The following RASEF variants were observed in gnomAD, a reference collection of about 807,000 sequenced individuals.
The protein encoded by RASEF is ras and EF-hand domain-containing protein.
RASEF carries 68 observed loss-of-function variants against 90.1 expected under a neutral mutation model. The observed-to-expected ratio is 0.75, with a 90% CI of 0.62 to 0.92. The LOEUF (loss-of-function observed/expected upper bound fraction) is 0.92, where lower values mean the gene tolerates loss of function less well. RASEF is among the 40% of genes least tolerant of loss of function. The probability of loss-of-function intolerance (pLI) is 0.00; values close to 1 mark genes in which losing one functional copy is unlikely to be tolerated. For missense variants in RASEF, 949 were observed against 937.2 expected, an observed-to-expected ratio of 1.01 and a Z score of -0.16; for synonymous variants, 331 against 345.2, an observed-to-expected ratio of 0.96 and a Z score of 0.46.
chr9:83,156,998 C>A, the RASEF span, among the ~76,000 whole-genome samples: 1 of 152,208 alleles, frequency 6.6e-6, no homozygotes, highest in African/African-American at 2.4e-5. Flanking sequence ...TCAAGGACAG[C>A]ATGGAGGATA....
the RASEF span, among the ~76,000 whole-genome samples, chr9:83,083,862 TG>T: frequency 6.6e-6 from 1 of 152,140 alleles, no homozygotes; most frequent in Non-Finnish European, 1.5e-5. Context: ...TCATAACTTT[TG>T]AACTAGTAAT....
chr9:83,146,442 G>A, the RASEF span, among the ~76,000 whole-genome samples: 3 of 151,912 alleles, frequency 2.0e-5, no homozygotes, highest in Middle Eastern at 3.2e-3. Context: ...TCATAATTTC[G>A]CTATTTTGTA....
chr9:83,112,211 T>C, the RASEF span, among the ~76,000 whole-genome samples: 1 of 152,152 alleles, frequency 6.6e-6, no homozygotes, highest in Non-Finnish European at 1.5e-5. Context: ...AGTAAATGTT[T>C]TACTACTTTC....
chr9:83,023,296 T>G (rs934433510), intron 2 of RASEF, among the ~76,000 whole-genome samples: 4 of 152,234 alleles, frequency 2.6e-5, no homozygotes, highest in African/African-American at 9.6e-5. Flanking sequence ...AGGAGTGCAA[T>G]TATAAATCAC....
intron 15 of RASEF, among the ~76,000 whole-genome samples, chr9:82,992,339 T>A (rs1828830727): frequency 6.6e-6 from 1 of 152,186 alleles, no homozygotes; most frequent in Admixed American, 6.5e-5. Context: ...ACACTGCCCA[T>A]GACAACAATC....
At chr9:83,077,870 C>T in the RASEF span, among the ~76,000 whole-genome samples, 1 of 152,162 alleles carries the variant, frequency 6.6e-6, no homozygotes, top group East Asian at 1.9e-4. Context: ...GCCCAGGAAA[C>T]AAGGGAAGAC....
chr9:82,990,613 A>T, intron 15 of RASEF, 146 bp from the exon 16 acceptor site: 1 of 562,596 alleles, frequency 1.8e-6, no homozygotes, highest in Non-Finnish European at 3.1e-6. Context: ...TCAGAGTTCC[A>T]GTACTTACAA....
At chr9:83,119,283 T>G in the RASEF span, among the ~76,000 whole-genome samples, 2 of 151,376 alleles carry the variant, frequency 1.3e-5, no homozygotes, top group African/African-American at 2.4e-5. Context: ...CCTCCCAAAA[T>G]GCTGGGATTA....
At chr9:83,147,861 A>G in the RASEF span, among the ~76,000 whole-genome samples, 4 of 151,946 alleles carry the variant, frequency 2.6e-5, no homozygotes, top group Non-Finnish European at 4.4e-5. Context: ...CTTCCCCTGG[A>G]GTTTGGTCAT....
Position 82,982,605 on chromosome 9 carries a change from T to A in RASEF, c.*72A>T, listed in dbSNP as rs1046589350. 2.2e-6 allele frequency: 2 copies of A among 890,320 alleles called. No individual in the cohort carries two copies. Among genetic ancestry groups the A allele is most frequent in the African/African-American group, 3.3e-5 (2 of 60,978 alleles). The allele number at this position is 890,320 out of a possible 1,614,324, so 55.2% of individuals were successfully genotyped here. On this transcript the variant is annotated 3_prime_UTR_variant, in exon 17 of 17. Coordinates refer to ENST00000376447, the MANE Select transcript of RASEF (RefSeq NM_152573.4). Reference sequence around the variant, plus strand: ...GTGTCAGTAGGATGTGCCACTCTGTTAAGAGCCAAATAAGTCACACAAATT... The same window carrying A: ...GTGTCAGTAGGATGTGCCACTCTGTAAAGAGCCAAATAAGTCACACAAATT...
At chr9:83,175,454 A>G in the RASEF span, among the ~76,000 whole-genome samples, 1 of 151,922 alleles carries the variant, frequency 6.6e-6, no homozygotes, top group Non-Finnish European at 1.5e-5. Context: ...CCTGTGATAA[A>G]CCCTAGTAGT....
At chr9:83,055,619 A>G in intron 1 of RASEF, 2 of 718,080 alleles carry the variant, frequency 2.8e-6, no homozygotes, top group Non-Finnish European at 5.2e-6. Flanking sequence ...GCCCATGACA[A>G]TGCACACAGT....
the RASEF span, among the ~76,000 whole-genome samples, chr9:83,107,438 T>A: frequency 2.0e-5 from 3 of 152,214 alleles, no homozygotes; most frequent in African/African-American, 7.2e-5. Flanking sequence ...CTCCTTCGAC[T>A]TCACATTTCT....
chr9:83,027,180 T>A (rs1365937900), intron 1 of RASEF, among the ~76,000 whole-genome samples: 1 of 152,134 alleles, frequency 6.6e-6, no homozygotes, highest in Non-Finnish European at 1.5e-5. Context: ...AACAACACCC[T>A]CCCAGCTCCT....
At chr9:83,028,089 G>T (rs1308200809) in intron 1 of RASEF, among the ~76,000 whole-genome samples, 1 of 152,076 alleles carries the variant, frequency 6.6e-6, no homozygotes, top group Non-Finnish European at 1.5e-5. Context: ...CAATTCTTTG[G>T]GCATGAGATG....
chr9:83,163,372 A>G, the RASEF span, among the ~76,000 whole-genome samples: 1 of 152,250 alleles, frequency 6.6e-6, no homozygotes, highest in African/African-American at 2.4e-5. Context: ...CATCACACAT[A>G]GTTTGAAGAG....
intron 9 of RASEF, 122 bp from the exon 10 acceptor site, chr9:83,001,252 T>C: frequency 1.5e-6 from 1 of 652,688 alleles, no homozygotes; most frequent in Non-Finnish European, 2.7e-6. Flanking sequence ...AGCCGCAGTG[T>C]TATTTCATGA....
chr9:83,197,497 G>A, the RASEF span, among the ~76,000 whole-genome samples: 1 of 151,994 alleles, frequency 6.6e-6, no homozygotes, highest in East Asian at 1.9e-4. Flanking sequence ...TTACATTCCA[G>A]TGGAGTGAGA....
intron 3 of RASEF, among the ~76,000 whole-genome samples, chr9:83,017,390 C>T (rs10867926): frequency 0.5 from 74,899 of 149,496 alleles, 18,967 homozygotes; most frequent in East Asian, 0.7. Context: ...GTCCCAGCTA[C>T]TCGGGAGGCT....
Sources: gnomAD v4.1 joint callset for allele counts (sites outside exome capture counted in the v4.1 genomes callset) on GRCh38, gnomAD v4.1.1 for gene constraint, MANE v1.5 for transcripts, NCBI Gene and HGNC (gene_info 2026-07-23, HGNC 2026-07-21) for gene names.